The following GPAT4 variants were observed in gnomAD, a reference collection of about 807,000 sequenced individuals.
GPAT4 encodes the protein glycerol-3-phosphate acyltransferase 4.
In GPAT4, 17 loss-of-function variants were observed where a neutral mutation model predicts 58.0. The ratio of observed to expected loss-of-function variants is 0.29; its 90% CI spans 0.20 to 0.44. The LOEUF is 0.44. GPAT4 is among the 20% of genes least tolerant of loss of function. GPAT4 has a pLI of 1.00. For synonymous variants in GPAT4, 204 were observed against 210.1 expected (o/e 0.97, Z 0.25); for missense variants, 377 against 574.5 (o/e 0.66, Z 3.51).
At position 41,620,912 on chromosome 8, in the gene GPAT4, G is replaced by A. The variant is rs375253090; in HGVS notation, c.1282G>A (p.Glu428Lys). 1.3e-6 allele frequency: 2 copies of A among 1,551,374 alleles called. No individual in the cohort carries two copies. The change falls in exon 13 of 13, where the codon GAG becomes AAG. Residue 428 changes from glutamate (E) to lysine (K), a missense_variant. Coordinates refer to ENST00000396987, the MANE Select transcript of GPAT4 (RefSeq NM_178819.4). ...CTCCAGGGATGGGGGCCTGAAGAGG[G>A]AGAAGGTGAAGGACACGTTCAAGGA... ...DLLWDGGLKR[E>K]KVKDTFKEEQ...
At chr8:41,615,588 G>GA (rs1372094754) in intron 10 of GPAT4, among the ~76,000 whole-genome samples, 2 of 152,012 alleles carry the variant, frequency 1.3e-5, no homozygotes, top group Non-Finnish European at 2.9e-5. Flanking sequence ...GACCCTTTAG[G>GA]AACTGCTCCT....
intron 1 of GPAT4, among the ~76,000 whole-genome samples, chr8:41,586,694 TCGTTCTAGA>T (rs1802662805): frequency 6.6e-6 from 1 of 152,178 alleles, no homozygotes; most frequent in Non-Finnish European, 1.5e-5. Context: ...CCCTGGGATG[TCGTTCTAGA>T]GCCTCACCAC....
At position 41,578,252 on chromosome 8, in the gene GPAT4, A is replaced by T. The variant is rs1257632790; in HGVS notation, c.-875A>T. 2 of 151,324 alleles carry T rather than the reference A, an allele frequency of 1.3e-5. No homozygotes were observed. The highest frequency in any genetic ancestry group is 4.8e-5 in the African/African-American group (2 of 41,240). 9.4% of individuals were successfully genotyped at this position (151,324 alleles called of 1,614,324 possible). ...GGCGGGAGGGAGCGGTCGCCGCGGG[A>T]TTTGGAGCTGCCTAGCCTCGCGGTC... is the stretch of plus-strand genomic sequence containing the variant. On this transcript the variant is annotated 5_prime_UTR_variant, in exon 1 of 13. Transcript: ENST00000396987.
chr8:41,586,331 G>T (rs912260235), intron 1 of GPAT4, among the ~76,000 whole-genome samples: 1 of 152,194 alleles, frequency 6.6e-6, no homozygotes, highest in African/African-American at 2.4e-5. Context: ...GGACATTTTG[G>T]TTGTTTCCGT....
chr8:41,618,257 A>C (rs148595860), intron 10 of GPAT4, among the ~76,000 whole-genome samples: 1 of 152,312 alleles, frequency 6.6e-6, no homozygotes, highest in East Asian at 1.9e-4. Flanking sequence ...ACACTAGATG[A>C]ATGACAGGAT....
intron 1 of GPAT4, among the ~76,000 whole-genome samples, chr8:41,593,217 CCTTAAT>C (rs1802839839): frequency 6.6e-6 from 1 of 152,128 alleles, no homozygotes; most frequent in South Asian, 2.1e-4. Context: ...AGTCTTCAGT[CCTTAAT>C]CTTATTTCAA....
At chr8:41,586,914 CCTG>C (rs1802668713) in intron 1 of GPAT4, among the ~76,000 whole-genome samples, 1 of 152,174 alleles carries the variant, frequency 6.6e-6, no homozygotes, top group Non-Finnish European at 1.5e-5. Flanking sequence ...CCAGATTGTA[CCTG>C]CAGAGATTCT....
rs114133663 is a variant in GPAT4 at position 41,621,183 on chromosome 8, A to G, written c.*182A>G. On this transcript the variant is annotated 3_prime_UTR_variant, in exon 13 of 13. Coordinates refer to ENST00000396987, the MANE Select transcript of GPAT4 (RefSeq NM_178819.4). The stretch of plus-strand genomic sequence containing the variant: ...GATCCCTGTGCACCCGGCGCAGCCT[A>G]CCCTTGGTGGTCTAAACGGATGCTG... The G allele has an allele frequency of 1.2e-6, 1 of 847,966 alleles. No homozygotes were observed. Among genetic ancestry groups the G allele is most frequent in the Non-Finnish European group, 1.8e-6 (1 of 562,176 alleles). 52.5% of individuals were successfully genotyped at this position (847,966 alleles called of 1,614,324 possible).
rs1218590419 is a variant in GPAT4 at position 41,623,024 on chromosome 8, A to G, written c.*2023A>G. On this transcript the variant is annotated 3_prime_UTR_variant, in exon 13 of 13. Transcript: ENST00000396987. ...TTTCGTGATTTGCATAGGTATTTAT[A>G]TATACACACACACACAGGTTTTGCT... The G allele has an allele frequency of 8.5e-6, 1 of 117,434 alleles. No homozygotes were observed. The highest frequency in any genetic ancestry group is 1.8e-5 in the Non-Finnish European group (1 of 54,478). The allele number at this position is 117,434 out of a possible 1,614,324, so 7.3% of individuals were successfully genotyped here. A position where few individuals can be genotyped will look rare whatever the true frequency, so the allele number is the denominator to read the frequency against.
chr8:41,603,967 A>T (rs1431489874), intron 2 of GPAT4, among the ~76,000 whole-genome samples: 50 of 152,252 alleles, frequency 3.3e-4, no homozygotes, highest in African/African-American at 1.2e-3. Flanking sequence ...ATATAGCAAT[A>T]AGATAGCCAG....
chr8:41,602,855 T>G (rs1230146739), intron 2 of GPAT4, among the ~76,000 whole-genome samples: 1 of 152,194 alleles, frequency 6.6e-6, no homozygotes, highest in Non-Finnish European at 1.5e-5. Context: ...GGCCGCTTCC[T>G]GGTTCATAGA....
At chr8:41,603,897 G>A (rs938352216) in intron 2 of GPAT4, among the ~76,000 whole-genome samples, 2 of 32,700 alleles carry the variant, frequency 6.1e-5, no homozygotes, top group Non-Finnish European at 2.1e-4. Flanking sequence ...CAGCTGCACA[G>A]AATGAATGAA....
intron 1 of GPAT4, among the ~76,000 whole-genome samples, chr8:41,590,405 A>T (rs753521462): frequency 1.3e-5 from 2 of 152,200 alleles, no homozygotes; most frequent in Non-Finnish European, 2.9e-5. Flanking sequence ...ATTTTAAAGC[A>T]TGTAGTTTGG....
At position 41,608,347 on chromosome 8, in the gene GPAT4, C is replaced by T. The variant is rs78254458; in HGVS notation, c.166-1069C>T. ...TTCCCATGCCATGGGATGATGGGCT[C>T]GTGCCCACTGTGCATAACCGTGGAA... On this transcript the variant is annotated intron_variant, in intron 2 of 12. Transcript: ENST00000396987. Among the ~76,000 whole-genome samples the T allele has an allele frequency of 1.4e-3, 211 of 152,328 alleles. 3 individuals are homozygous for T. The highest frequency in any genetic ancestry group is 0.014 in the East Asian group (71 of 5,182).
chr8:41,585,197 T>C (rs1209916786), intron 1 of GPAT4, among the ~76,000 whole-genome samples: 1 of 152,234 alleles, frequency 6.6e-6, no homozygotes, highest in Non-Finnish European at 1.5e-5. Flanking sequence ...TGCGTGTTTG[T>C]TTACATTACA....
chr8:41,580,265 A>C (rs1802477455), intron 1 of GPAT4, among the ~76,000 whole-genome samples: 1 of 152,258 alleles, frequency 6.6e-6, no homozygotes. Context: ...GAAGAAGAAC[A>C]AGCTATAAAC....
chr8:41,586,558 C>A (rs1278028337), intron 1 of GPAT4, among the ~76,000 whole-genome samples: 1 of 152,152 alleles, frequency 6.6e-6, no homozygotes, highest in Non-Finnish European at 1.5e-5. Flanking sequence ...CACCCCATAC[C>A]TGCCAACCAT....
chr8:41,613,365 G>A (rs2920127), intron 8 of GPAT4, among the ~76,000 whole-genome samples: 34,674 of 151,198 alleles, frequency 0.23, 4,683 homozygotes, highest in South Asian at 0.33. Flanking sequence ...CAGCCTGGGC[G>A]ATAGAATGAG....
At chr8:41,581,132 C>A (rs1802498565) in intron 1 of GPAT4, among the ~76,000 whole-genome samples, 1 of 152,140 alleles carries the variant, frequency 6.6e-6, no homozygotes, top group Admixed American at 6.5e-5. Flanking sequence ...GAATATCATC[C>A]GTTCCATGTA....
Sources: gnomAD v4.1 joint callset for allele counts (sites outside exome capture counted in the v4.1 genomes callset) on GRCh38, gnomAD v4.1.1 for gene constraint, MANE v1.5 for transcripts, NCBI Gene and HGNC (gene_info 2026-07-23, HGNC 2026-07-21) for gene names.